Variants in AUTS2 observed in about 807,000 individuals in gnomAD.
The protein encoded by AUTS2 is autism susceptibility gene 2 protein.
AUTS2 carries 17 observed loss-of-function variants against 112.4 expected under a neutral mutation model. The ratio of observed to expected loss-of-function variants is 0.15; its 90% confidence interval spans 0.10 to 0.23. The LOEUF is 0.23. AUTS2 is among the 10% of genes least tolerant of loss of function. AUTS2 has a pLI of 1.00. For synonymous variants in AUTS2, 751 were observed against 702.7 expected, an observed-to-expected ratio of 1.07 and a Z score of -1.09; for missense variants, 1,510 against 1,701.6, an observed-to-expected ratio of 0.89 and a Z score of 1.98.
intron 1 of AUTS2, among the ~76,000 whole-genome samples, chr7:69,772,308 T>C (rs1788702839): frequency 6.6e-6 from 1 of 152,236 alleles, no homozygotes; most frequent in South Asian, 2.1e-4. Context: ...TGCCCTATAA[T>C]CTTAAGTGTT....
intron 1 of AUTS2, among the ~76,000 whole-genome samples, chr7:69,655,280 AT>A (rs1795473249): frequency 6.6e-6 from 1 of 152,172 alleles, no homozygotes; most frequent in African/African-American, 2.4e-5. Flanking sequence ...ACACTTCAGG[AT>A]TTTGGCAGCT....
At chr7:70,668,506 T>G (rs937578952) in intron 5 of AUTS2, among the ~76,000 whole-genome samples, 5 of 152,204 alleles carry the variant, frequency 3.3e-5, no homozygotes, top group African/African-American at 1.2e-4. Context: ...ATTCTAGAAA[T>G]ATCTGAGACC....
chr7:70,522,262 CA>C (rs1204826948), intron 5 of AUTS2, among the ~76,000 whole-genome samples: 2 of 151,996 alleles, frequency 1.3e-5, no homozygotes, highest in African/African-American at 4.8e-5. Flanking sequence ...GAAAAAATAG[CA>C]ACTAAGAAAA....
chr7:69,771,805 T>C (rs1788675090), intron 1 of AUTS2, among the ~76,000 whole-genome samples: 1 of 149,816 alleles, frequency 6.7e-6, no homozygotes, highest in Non-Finnish European at 1.5e-5. Flanking sequence ...TTTTTTGAGA[T>C]AGAGTTTTTG....
chr7:70,287,724 T>C (rs1788526335), intron 4 of AUTS2, among the ~76,000 whole-genome samples: 1 of 152,096 alleles, frequency 6.6e-6, no homozygotes, highest in African/African-American at 2.4e-5. Context: ...AAATAACTTG[T>C]AGTTTTTGTT....
chr7:69,682,827 T>A lies in AUTS2; in HGVS notation c.309+82865T>A, dbSNP rs552863825. 5.9e-5 allele frequency among the ~76,000 whole-genome samples: 9 copies of A among 152,270 alleles called. No individual in the cohort carries two copies. In the South Asian group the frequency reaches 1.9e-3, roughly 32 times the overall value. ...CCTGCAGTCCCAAGCTGGTGTGGCC[T>A]GCAGTCCCAGCACTTTGGGAGGCTG... On this transcript the variant is annotated intron_variant, in intron 1 of 18. Coordinates refer to ENST00000342771, the MANE Select transcript of AUTS2 (RefSeq NM_015570.4).
intron 2 of AUTS2, among the ~76,000 whole-genome samples, chr7:70,061,971 A>G (rs1188096929): frequency 6.6e-6 from 1 of 151,498 alleles, no homozygotes; most frequent in East Asian, 2.0e-4. Flanking sequence ...TTATTTTAGT[A>G]GAGATGGGAT....
chr7:69,618,953 C>G (rs545383744), intron 1 of AUTS2, among the ~76,000 whole-genome samples: 2 of 152,130 alleles, frequency 1.3e-5, no homozygotes, highest in Non-Finnish European at 2.9e-5. Context: ...GTGCAGGAAG[C>G]CCCCACCTCT....
chr7:70,608,696 C>G (rs1285693174), intron 5 of AUTS2, among the ~76,000 whole-genome samples: 1 of 152,130 alleles, frequency 6.6e-6, no homozygotes. Context: ...GCATGGGTCC[C>G]AGTGATGATA....
intron 5 of AUTS2, among the ~76,000 whole-genome samples, chr7:70,658,020 G>A (rs955091324): frequency 2.6e-5 from 4 of 152,190 alleles, no homozygotes; most frequent in African/African-American, 9.7e-5. Context: ...CCCAAGAAAG[G>A]AAGAGGGGCA....
chr7:70,487,723 T>C (rs1313424701), intron 5 of AUTS2, among the ~76,000 whole-genome samples: 2 of 152,034 alleles, frequency 1.3e-5, no homozygotes, highest in Non-Finnish European at 2.9e-5. Flanking sequence ...ACTGGAGGCG[T>C]GCTGACAAGC....
intron 1 of AUTS2, among the ~76,000 whole-genome samples, chr7:69,709,564 AAG>A (rs1316787351): frequency 2.0e-5 from 3 of 152,166 alleles, no homozygotes; most frequent in Non-Finnish European, 2.9e-5. Context: ...AGATGATGAA[AAG>A]AGACATTTTA....
At chr7:69,670,926 C>T (rs1796292422) in intron 1 of AUTS2, among the ~76,000 whole-genome samples, 1 of 152,066 alleles carries the variant, frequency 6.6e-6, no homozygotes, top group African/African-American at 2.4e-5. Flanking sequence ...GCTTGAGTTT[C>T]GAGTTAGGAA....
intron 4 of AUTS2, among the ~76,000 whole-genome samples, chr7:70,423,780 G>A (rs1488449920): frequency 6.6e-6 from 1 of 151,970 alleles, no homozygotes; most frequent in South Asian, 2.1e-4. Context: ...AGGGAATGAT[G>A]GTTTCTGGTT....
chr7:70,600,173 A>T (rs1399685068), intron 5 of AUTS2, among the ~76,000 whole-genome samples: 1 of 152,160 alleles, frequency 6.6e-6, no homozygotes, highest in East Asian at 1.9e-4. Context: ...TTGTTTTCTA[A>T]TTGTTATTGA....
intron 4 of AUTS2, among the ~76,000 whole-genome samples, chr7:70,197,261 CCA>C (rs10618080): frequency 0.28 from 42,110 of 148,548 alleles, 5,954 homozygotes; most frequent in Middle Eastern, 0.37. Flanking sequence ...AATTCTTAGT[CCA>C]CACACACACA....
At chr7:69,702,812 A>G (rs1432087949) in intron 1 of AUTS2, among the ~76,000 whole-genome samples, 1 of 152,178 alleles carries the variant, frequency 6.6e-6, no homozygotes, top group Non-Finnish European at 1.5e-5. Context: ...GTTTGGAAGC[A>G]TTGCTCTAGT....
At chr7:70,455,295 G>A (rs1796690560) in intron 5 of AUTS2, among the ~76,000 whole-genome samples, 1 of 152,182 alleles carries the variant, frequency 6.6e-6, no homozygotes, top group Non-Finnish European at 1.5e-5. Context: ...CACTGTGCTT[G>A]TGGTGGGGCC....
chr7:70,571,596 G>C (rs540118177), intron 5 of AUTS2, among the ~76,000 whole-genome samples: 4 of 152,338 alleles, frequency 2.6e-5, no homozygotes, highest in African/African-American at 2.4e-5. Flanking sequence ...GCCCACAAAA[G>C]GTGACTCACT....
Sources: gnomAD v4.1 joint callset for allele counts (sites outside exome capture counted in the v4.1 genomes callset) on GRCh38, gnomAD v4.1.1 for gene constraint, MANE v1.5 for transcripts, NCBI Gene and HGNC (gene_info 2026-07-23, HGNC 2026-07-21) for gene names.